ANGPT1: variants seen among roughly 807,000 people sequenced by gnomAD.
The protein encoded by ANGPT1 is angiopoietin-1.
ANGPT1 carries 17 observed loss-of-function variants against 62.2 expected under a neutral mutation model. The ratio of observed to expected loss-of-function variants is 0.27; its 90% CI spans 0.19 to 0.41. ANGPT1 has a LOEUF of 0.41. Ranked by LOEUF, ANGPT1 falls within the 10% of genes least tolerant of loss-of-function variation. The pLI is 1.00. For missense variants in ANGPT1, 478 were observed against 594.9 expected, an observed-to-expected ratio of 0.80 and a Z score of 2.04; for synonymous variants, 199 against 198.9, an observed-to-expected ratio of 1.00 and a Z score of 0.00.
chr8:107,335,933 G>A (rs760902874), intron 3 of ANGPT1, among the ~76,000 whole-genome samples: 14 of 152,120 alleles, frequency 9.2e-5, no homozygotes, highest in Non-Finnish European at 1.6e-4. Context: ...GTTATATAAA[G>A]CAAATATTTC....
chr8:107,310,862 C>G (rs1179038214), intron 4 of ANGPT1, among the ~76,000 whole-genome samples: 3 of 152,056 alleles, frequency 2.0e-5, no homozygotes, highest in Non-Finnish European at 4.4e-5. Context: ...TTGCTAGAAG[C>G]TTCAAAGACA....
chr8:107,303,256 ATAT>A lies in ANGPT1; in HGVS notation c.917_919del (p.Asn306del). The A allele has an allele frequency of 1.9e-6, 3 of 1,609,526 alleles. No homozygotes were observed. The highest frequency in any genetic ancestry group is 2.5e-6 in the Non-Finnish European group (3 of 1,177,046). ...TGGTTTTACCTTTTTGGGTTCTGGC[ATAT>A]TATTAATATAAATAGTGTAGATTCC... On this transcript the variant is annotated inframe_deletion, in exon 5 of 9. Coordinates refer to ENST00000517746, the MANE Select transcript of ANGPT1 (RefSeq NM_001146.5).
chr8:107,456,063 T>C (rs1361448231), intron 1 of ANGPT1, among the ~76,000 whole-genome samples: 2 of 152,026 alleles, frequency 1.3e-5, no homozygotes, highest in Non-Finnish European at 2.9e-5. Flanking sequence ...GAGAGCAACA[T>C]GATTGTATTA....
At chr8:107,335,700 C>G (rs1016066031) in intron 3 of ANGPT1, among the ~76,000 whole-genome samples, 2 of 152,290 alleles carry the variant, frequency 1.3e-5, no homozygotes, top group South Asian at 4.1e-4. Context: ...CATTTTCCTT[C>G]TCTCTAGTGC....
At chr8:107,471,543 T>C (rs1170443310) in intron 1 of ANGPT1, among the ~76,000 whole-genome samples, 1 of 152,118 alleles carries the variant, frequency 6.6e-6, no homozygotes, top group Non-Finnish European at 1.5e-5. Context: ...ACCCCAGAAC[T>C]TAAAGCTAAA....
intron 1 of ANGPT1, among the ~76,000 whole-genome samples, chr8:107,466,907 A>G (rs10096335): frequency 0.4 from 60,964 of 151,278 alleles, 13,340 homozygotes; most frequent in East Asian, 0.66. Context: ...CTCCATCTCA[A>G]AAAAAAAAAT....
chr8:107,308,532 T>C (rs1473840048), intron 4 of ANGPT1, among the ~76,000 whole-genome samples: 1 of 152,052 alleles, frequency 6.6e-6, no homozygotes, highest in East Asian at 1.9e-4. Context: ...ATCAAGCACA[T>C]TGGGAACATG....
At chr8:107,452,423 G>A (rs1173397480) in intron 1 of ANGPT1, among the ~76,000 whole-genome samples, 3 of 151,634 alleles carry the variant, frequency 2.0e-5, no homozygotes, top group Non-Finnish European at 2.9e-5. Flanking sequence ...TGGAAGTCAC[G>A]TCTCATTTAG....
chr8:107,342,755 T>C (rs1027730093), intron 2 of ANGPT1, among the ~76,000 whole-genome samples: 1 of 149,232 alleles, frequency 6.7e-6, no homozygotes, highest in Admixed American at 6.7e-5. Flanking sequence ...TCATGCTCAT[T>C]GAACAAACTG....
chr8:107,350,706 T>G (rs887717125), intron 1 of ANGPT1, among the ~76,000 whole-genome samples: 24 of 152,118 alleles, frequency 1.6e-4, no homozygotes, highest in African/African-American at 5.8e-4. Context: ...TAGTTAATTA[T>G]TTTTTAATCA....
intron 1 of ANGPT1, among the ~76,000 whole-genome samples, chr8:107,490,203 GAGCTGA>G (rs1469151569): frequency 2.0e-5 from 3 of 152,150 alleles, no homozygotes; most frequent in Non-Finnish European, 4.4e-5. Context: ...ATAAGAGGCT[GAGCTGA>G]AGCCCCATTT....
chr8:107,346,681 T>G (rs1815811200), intron 2 of ANGPT1, among the ~76,000 whole-genome samples: 1 of 152,170 alleles, frequency 6.6e-6, no homozygotes, highest in Non-Finnish European at 1.5e-5. Context: ...GTAGCTGCAG[T>G]GCTTATTTGA....
chr8:107,378,076 C>A (rs1816563927), intron 1 of ANGPT1, among the ~76,000 whole-genome samples: 1 of 152,162 alleles, frequency 6.6e-6, no homozygotes, highest in Non-Finnish European at 1.5e-5. Context: ...GTATAATATG[C>A]ACTGTAAAAT....
At chr8:107,439,269 T>C (rs1030974291) in intron 1 of ANGPT1, among the ~76,000 whole-genome samples, 1 of 152,222 alleles carries the variant, frequency 6.6e-6, no homozygotes, top group Non-Finnish European at 1.5e-5. Flanking sequence ...GAGTCAGACC[T>C]GGGAGTAAGT....
chr8:107,385,687 G>A (rs1816718822), intron 1 of ANGPT1, among the ~76,000 whole-genome samples: 1 of 151,982 alleles, frequency 6.6e-6, no homozygotes. Context: ...GATGGTGAAG[G>A]TGAACATCCT....
intron 1 of ANGPT1, among the ~76,000 whole-genome samples, chr8:107,389,527 T>A (rs1563600479): frequency 6.6e-6 from 1 of 152,134 alleles, no homozygotes; most frequent in Non-Finnish European, 1.5e-5. Context: ...AGATTCTTAG[T>A]CTCTGTTAGT....
At chr8:107,310,259 T>C (rs1288832868) in intron 4 of ANGPT1, among the ~76,000 whole-genome samples, 1 of 152,166 alleles carries the variant, frequency 6.6e-6, no homozygotes, top group Non-Finnish European at 1.5e-5. Flanking sequence ...ATAAATTTCT[T>C]ATGAGGAGTA....
chr8:107,425,064 A>T (rs1811002335), intron 1 of ANGPT1, among the ~76,000 whole-genome samples: 1 of 152,040 alleles, frequency 6.6e-6, no homozygotes, highest in African/African-American at 2.4e-5. Context: ...TAGTAGAGAC[A>T]GGGTTTCACC....
At chr8:107,338,870 G>T (rs1586237582) in intron 2 of ANGPT1, among the ~76,000 whole-genome samples, 1 of 152,302 alleles carries the variant, frequency 6.6e-6, no homozygotes, top group East Asian at 1.9e-4. Flanking sequence ...TTAGAACAAA[G>T]CTTGGCACAG....
Sources: gnomAD v4.1 joint callset for allele counts (sites outside exome capture counted in the v4.1 genomes callset) on GRCh38, gnomAD v4.1.1 for gene constraint, MANE v1.5 for transcripts, NCBI Gene and HGNC (gene_info 2026-07-23, HGNC 2026-07-21) for gene names.